Variants in LGALS4 observed in about 807,000 individuals in gnomAD.
LGALS4 encodes the protein galectin-4.
A neutral mutation model predicts 39.6 loss-of-function variants in LGALS4; 37 were observed. The ratio of observed to expected loss-of-function variants is 0.93; its 90% confidence interval spans 0.72 to 1.23. The LOEUF is 1.23. Ranked by LOEUF, LGALS4 falls within the 50% of genes most tolerant of loss-of-function variation. LGALS4 has a pLI of 0.00. For synonymous variants in LGALS4, 160 were observed against 165.5 expected, an observed-to-expected ratio of 0.97 and a Z score of 0.25; for missense variants, 397 against 433.2, an observed-to-expected ratio of 0.92 and a Z score of 0.74.
At chr19:38,809,173 CTTTTTTTTTTTTT>C (rs34677297) in intron 2 of LGALS4, among the ~76,000 whole-genome samples, 1 of 104,896 alleles carries the variant, frequency 9.5e-6, no homozygotes, top group Non-Finnish European at 1.9e-5. Context: ...GCCTTTCCTT[CTTTTTTTTTTTTT>C]TTTTTTTTTT....
chr19:38,809,956 A>C (rs1971473243), intron 2 of LGALS4, among the ~76,000 whole-genome samples: 1 of 151,658 alleles, frequency 6.6e-6, no homozygotes, highest in Non-Finnish European at 1.5e-5. Flanking sequence ...CCCTGTGTAC[A>C]CCCATGACGC....
intron 2 of LGALS4, 75 bp downstream of exon 2, chr19:38,812,356 G>T: frequency 7.7e-7 from 1 of 1,299,350 alleles, no homozygotes; most frequent in Non-Finnish European, 1.1e-6. Flanking sequence ...AGGGCAGAAA[G>T]CCCCCAACAG....
At chr19:38,803,304 A>G in intron 7 of LGALS4, 1 of 604,514 alleles carries the variant, frequency 1.7e-6, no homozygotes, top group Non-Finnish European at 3.0e-6. Context: ...GGCGTGAGCC[A>G]CCATGTCCAG....
At chr19:38,808,640 A>AAG (rs1555720050) in intron 3 of LGALS4, 104 bp downstream of exon 3, 233 of 773,218 alleles carry the variant, frequency 3.0e-4, no homozygotes, top group African/African-American at 1.5e-3. Context: ...AAAAAAAAAA[A>AAG]AAAGAAAGAA....
intron 4 of LGALS4, among the ~76,000 whole-genome samples, chr19:38,805,673 G>C (rs867809867): frequency 1.3e-5 from 2 of 152,102 alleles, no homozygotes; most frequent in Non-Finnish European, 2.9e-5. Context: ...TCCCCATCCC[G>C]GCCTTTATCC....
chr19:38,802,615 C>A (rs948008857), intron 7 of LGALS4, among the ~76,000 whole-genome samples: 2 of 152,132 alleles, frequency 1.3e-5, no homozygotes, highest in Non-Finnish European at 2.9e-5. Flanking sequence ...CCATCTCAGC[C>A]TCCCGAAGTG....
Position 38,808,863 on chromosome 19 carries a change from C to G in LGALS4, c.220G>C (p.Val74Leu). The change falls in exon 3 of 10, where the codon GTG becomes CTG. Residue 74 changes from valine (V) to leucine (L), a missense_variant. Transcript: ENST00000307751. ...FNPRFDGWDKVVFNTLQGGKW... is the reference protein window; with the variant it reads ...FNPRFDGWDKLVFNTLQGGKW... ...CCGCCCTGCAACGTGTTGAAGACCA[C>G]CTTGTCCCAGCCGTCAAACCGCGGA... The G allele has an allele frequency of 6.2e-7, 1 of 1,614,202 alleles. No homozygotes were observed.
In LGALS4 at chr19:38,806,578, A is replaced by G; in HGVS notation, c.357T>C (p.Asn119=). 1 of 1,613,758 alleles carries G rather than the reference A, an allele frequency of 6.2e-7. No individual in the cohort carries two copies. The highest frequency in any genetic ancestry group is 8.5e-7 in the Non-Finnish European group (1 of 1,179,886). Residue 119 remains asparagine (N), a synonymous_variant, in exon 4 of 10, where the codon AAT becomes AAC. Coordinates refer to ENST00000307751, the MANE Select transcript of LGALS4 (RefSeq NM_006149.4). The part of the protein sequence containing the change: ...AEHYKVVVNG[N]PFYEYGHRLP... ...GCCGGTGCCCGTACTCATAGAAGGG[A>G]TTTCCATTTACCACCACCTGGAGGG...
intron 7 of LGALS4, 96 bp from the exon 8 acceptor site, chr19:38,802,500 T>G: frequency 1.1e-6 from 1 of 948,374 alleles, no homozygotes; most frequent in Non-Finnish European, 1.7e-6. Flanking sequence ...TTTCCTGTCT[T>G]TTTTTCTTAT....
At position 38,802,174 on chromosome 19, in the gene LGALS4, A is replaced by AT. The variant is rs1343871203; in HGVS notation, c.660-18dup. 6.2e-7 allele frequency: 1 copy of AT among 1,612,060 alleles called. No individual in the cohort carries two copies. ...ATAGCAAAGCTGGGGACAGAGAGGGATGGGGGAGTCAGATGGAGTCCAGTG... is the reference window on the plus strand; with the variant it reads ...ATAGCAAAGCTGGGGACAGAGAGGGATTGGGGGAGTCAGATGGAGTCCAGTG... On this transcript the variant is annotated splice_polypyrimidine_tract_variant and intron_variant, in intron 8 of 9. Transcript: ENST00000307751.
At position 38,803,798 on chromosome 19, in the gene LGALS4, G is replaced by A. The variant is rs1219508870; in HGVS notation, c.502-18C>T. ...CCGGGACCCTGAACGATGGACAGAA[G>A]GCAGGAAGGGTGAGAGGGGCTGAGG... On this transcript the variant is annotated intron_variant, in intron 5 of 9. Transcript: ENST00000307751. 1.2e-6 allele frequency: 2 copies of A among 1,613,724 alleles called. No individual in the cohort carries two copies. The highest frequency in any genetic ancestry group is 2.2e-5 in the East Asian group (1 of 44,852).
At chr19:38,811,346 C>T (rs1317297022) in intron 2 of LGALS4, among the ~76,000 whole-genome samples, 1 of 151,752 alleles carries the variant, frequency 6.6e-6, no homozygotes, top group East Asian at 2.0e-4. Flanking sequence ...AAACAACAGG[C>T]TGGGCAGAGT....
chr19:38,802,282 G>A (rs367948809), intron 8 of LGALS4, 34 bp downstream of exon 8: 1 of 1,604,910 alleles, frequency 6.2e-7, no homozygotes, highest in Non-Finnish European at 8.5e-7. Flanking sequence ...GAGGGAGGAG[G>A]GGGCTGGGGG....
chr19:38,809,223 G>A (rs1056386335), intron 2 of LGALS4, among the ~76,000 whole-genome samples: 6 of 142,306 alleles, frequency 4.2e-5, no homozygotes, highest in Non-Finnish European at 7.5e-5. Context: ...CTGTTGCCCA[G>A]GCTGGAGTTG....
chr19:38,806,684 C>G, intron 3 of LGALS4, 89 bp from the exon 4 acceptor site: 1 of 1,412,182 alleles, frequency 7.1e-7, no homozygotes, highest in Non-Finnish European at 9.8e-7. Context: ...CCCTGGCTCA[C>G]GCCTCTAATC....
chr19:38,812,023 A>C (rs556887341), intron 2 of LGALS4, among the ~76,000 whole-genome samples: 128 of 151,968 alleles, frequency 8.4e-4, no homozygotes, highest in Admixed American at 2.2e-3. Flanking sequence ...CAAAACAAAA[A>C]AAAAAACAAA....
At chr19:38,803,695 C>T in intron 6 of LGALS4, 47 bp downstream of exon 6, 1 of 1,606,200 alleles carries the variant, frequency 6.2e-7, no homozygotes, top group Non-Finnish European at 8.5e-7. Context: ...CCCCAATTCT[C>T]ACCATTCCCA....
Position 38,808,941 on chromosome 19 carries a change from C to T in LGALS4, c.142G>A (p.Val48Met), listed in dbSNP as rs746477563. The T allele has an allele frequency of 2.2e-5, 35 of 1,608,980 alleles. No homozygotes were observed. In the South Asian group the frequency reaches 2.3e-4, roughly 11 times the overall value. ...VASEHMKRFF[V>M]NFVVGQDPGS... ...GGATCCTGCCCAACCACAAAGTTCA[C>T]GAAGAACCTGGCGGGACACAAAGGG... The change falls in exon 3 of 10, where the codon GTG (valine) becomes ATG (methionine). Residue 48 changes from valine (V) to methionine (M), a missense_variant. Val to Met is a conservative substitution (Grantham distance 21). Coordinates refer to ENST00000307751, the MANE Select transcript of LGALS4 (RefSeq NM_006149.4).
chr19:38,805,568 G>C (rs1225707383), intron 4 of LGALS4, among the ~76,000 whole-genome samples: 1 of 152,022 alleles, frequency 6.6e-6, no homozygotes, highest in Non-Finnish European at 1.5e-5. Context: ...CCAGCCCTGG[G>C]CCTGACCCCT....
Sources: gnomAD v4.1 joint callset for allele counts (sites outside exome capture counted in the v4.1 genomes callset) on GRCh38, gnomAD v4.1.1 for gene constraint, MANE v1.5 for transcripts, NCBI Gene and HGNC (gene_info 2026-07-23, HGNC 2026-07-21) for gene names.